The following TTC7B variants were observed in gnomAD, a reference collection of about 807,000 sequenced individuals.
TTC7B encodes tetratricopeptide repeat protein 7B.
In TTC7B, 28 loss-of-function variants were observed where a neutral mutation model predicts 106.8. The ratio of observed to expected loss-of-function variants is 0.26; its 90% CI spans 0.19 to 0.36. TTC7B has a LOEUF of 0.36. Among genes scored for constraint, TTC7B ranks in the 10% least tolerant of loss-of-function variants. TTC7B has a pLI of 1.00. For synonymous variants in TTC7B, 405 were observed against 430.6 expected (o/e 0.94, Z 0.74); for missense variants, 862 against 1,076.4 (o/e 0.80, Z 2.79).
chr14:90,596,926 C>G (rs1313061577), intron 17 of TTC7B, among the ~76,000 whole-genome samples: 1 of 152,174 alleles, frequency 6.6e-6, no homozygotes, highest in African/African-American at 2.4e-5. Context: ...CTCTACTCTT[C>G]CCCTCTAACA....
intron 6 of TTC7B, among the ~76,000 whole-genome samples, chr14:90,694,711 TTATAA>T (rs1887621699): frequency 7.1e-6 from 1 of 141,750 alleles, no homozygotes; most frequent in African/African-American, 2.5e-5. Flanking sequence ...TTTTATTTTA[TTATAA>T]AATAGGTATA....
At chr14:90,605,035 C>T (rs1222061283) in intron 17 of TTC7B, among the ~76,000 whole-genome samples, 2 of 152,202 alleles carry the variant, frequency 1.3e-5, no homozygotes, top group African/African-American at 4.8e-5. Flanking sequence ...ATTTATAAAT[C>T]CAGATTCCCA....
intron 5 of TTC7B, among the ~76,000 whole-genome samples, chr14:90,707,800 C>T (rs781377886): frequency 6.6e-6 from 1 of 152,080 alleles, no homozygotes; most frequent in African/African-American, 2.4e-5. Flanking sequence ...AAGTTTGAAC[C>T]TGGCAGAGGC....
intron 16 of TTC7B, among the ~76,000 whole-genome samples, 186 bp from the exon 17 acceptor site, chr14:90,611,025 T>C (rs1441282881): frequency 6.6e-6 from 1 of 152,224 alleles, no homozygotes; most frequent in African/African-American, 2.4e-5. Flanking sequence ...TTCCTTTCAG[T>C]GTTCACTATC....
chr14:90,634,033 T>C (rs1187601925), intron 15 of TTC7B, among the ~76,000 whole-genome samples: 1 of 151,960 alleles, frequency 6.6e-6, no homozygotes, highest in Non-Finnish European at 1.5e-5. Context: ...TGCACCAACA[T>C]GCCTGGATAA....
chr14:90,737,322 T>C (rs1889573960), intron 4 of TTC7B, among the ~76,000 whole-genome samples: 1 of 152,164 alleles, frequency 6.6e-6, no homozygotes, highest in Non-Finnish European at 1.5e-5. Context: ...CATACAAATA[T>C]TTATAGCAGC....
intron 2 of TTC7B, among the ~76,000 whole-genome samples, chr14:90,784,509 A>G (rs1420250835): frequency 2.0e-5 from 3 of 152,088 alleles, no homozygotes; most frequent in South Asian, 4.1e-4. Context: ...GTGAGCGAAG[A>G]TCACGCCACT....
At position 90,530,286 on chromosome 14, in the gene TTC7B, TAC is replaced by T. The variant is rs1889253546; in HGVS notation, c.*11080_*11081del. 1 of 152,072 alleles carries T rather than the reference TAC, an allele frequency of 6.6e-6. No homozygotes were observed. The highest frequency in any genetic ancestry group is 2.1e-4 in the South Asian group (1 of 4,814). 9.4% of individuals were successfully genotyped at this position (152,072 alleles called of 1,614,324 possible). The stretch of plus-strand genomic sequence containing the variant: ...CCATCCCAAAAAACAAAAAAATCTA[TAC>T]TCATGGGAGAATGCTGCAAGACAAC... On this transcript the variant is annotated 3_prime_UTR_variant, in exon 20 of 20. Coordinates refer to ENST00000328459, the MANE Select transcript of TTC7B (RefSeq NM_001010854.2).
At chr14:90,795,443 G>A (rs571030604) in intron 1 of TTC7B, among the ~76,000 whole-genome samples, 3 of 152,224 alleles carry the variant, frequency 2.0e-5, no homozygotes, top group Non-Finnish European at 4.4e-5. Flanking sequence ...ACAGCTGGTC[G>A]TGGAGCAGCC....
At chr14:90,594,108 C>T (rs1333132367) in intron 17 of TTC7B, among the ~76,000 whole-genome samples, 4 of 152,130 alleles carry the variant, frequency 2.6e-5, no homozygotes, top group Non-Finnish European at 4.4e-5. Flanking sequence ...TAGTGCAAGC[C>T]TGGCCTTGGA....
At chr14:90,745,496 A>G (rs138915342) in intron 3 of TTC7B, among the ~76,000 whole-genome samples, 6 of 152,252 alleles carry the variant, frequency 3.9e-5, no homozygotes, top group Non-Finnish European at 7.4e-5. Context: ...TTAAGAATCA[A>G]TGTTGGATTT....
chr14:90,689,536 A>G lies in TTC7B; in HGVS notation c.950+4T>C. On this transcript the variant is annotated splice_donor_region_variant and intron_variant, in intron 7 of 19. Coordinates refer to ENST00000328459, the MANE Select transcript of TTC7B (RefSeq NM_001010854.2). ...CCTACAAGTGAGGACATCAACTTTC[A>G]TACTTCTCTCCTGAGTAGACACGGG... is the stretch of plus-strand genomic sequence containing the variant. The G allele has an allele frequency of 6.2e-7, 1 of 1,612,186 alleles. No individual in the cohort carries two copies. Among genetic ancestry groups the G allele is most frequent in the South Asian group, 1.1e-5 (1 of 90,734 alleles).
At chr14:90,734,847 G>A (rs1231018003) in intron 4 of TTC7B, among the ~76,000 whole-genome samples, 1 of 152,074 alleles carries the variant, frequency 6.6e-6, no homozygotes, top group Non-Finnish European at 1.5e-5. Context: ...ACAGTGGCAC[G>A]ATCTCGGCTC....
chr14:90,803,768 A>G (rs2030420217), intron 1 of TTC7B, among the ~76,000 whole-genome samples: 1 of 151,998 alleles, frequency 6.6e-6, no homozygotes, highest in Admixed American at 6.6e-5. Flanking sequence ...GGAAGAGAAG[A>G]CAATCCTTCC....
intron 19 of TTC7B, among the ~76,000 whole-genome samples, chr14:90,544,030 G>A (rs936072864): frequency 1.3e-5 from 2 of 152,244 alleles, no homozygotes; most frequent in African/African-American, 2.4e-5. Flanking sequence ...CGTGGTTGGG[G>A]TGACAGCCAA....
At chr14:90,580,834 AG>A (rs1320330800) in intron 18 of TTC7B, among the ~76,000 whole-genome samples, 1 of 152,182 alleles carries the variant, frequency 6.6e-6, no homozygotes, top group Non-Finnish European at 1.5e-5. Flanking sequence ...TGGGTATGCC[AG>A]GGATAGCCCT....
intron 19 of TTC7B, among the ~76,000 whole-genome samples, chr14:90,548,611 G>A (rs1385999167): frequency 6.6e-6 from 1 of 152,224 alleles, no homozygotes; most frequent in South Asian, 2.1e-4. Context: ...GTGAGTGCCT[G>A]GAGGGCAGGG....
chr14:90,705,582 G>A (rs1361022842), intron 5 of TTC7B, among the ~76,000 whole-genome samples: 3 of 151,920 alleles, frequency 2.0e-5, no homozygotes, highest in Non-Finnish European at 2.9e-5. Context: ...TATAGATACC[G>A]AAAGCCATAT....
intron 17 of TTC7B, among the ~76,000 whole-genome samples, chr14:90,596,971 G>C (rs1224005992): frequency 2.6e-5 from 4 of 152,140 alleles, no homozygotes; most frequent in Non-Finnish European, 5.9e-5. Context: ...CCCACTCAAA[G>C]GACACTTCAG....
Sources: gnomAD v4.1 joint callset for allele counts (sites outside exome capture counted in the v4.1 genomes callset) on GRCh38, gnomAD v4.1.1 for gene constraint, MANE v1.5 for transcripts, NCBI Gene and HGNC (gene_info 2026-07-23, HGNC 2026-07-21) for gene names.